RIF1: variants seen among roughly 807,000 people sequenced by gnomAD.
The protein encoded by RIF1 is telomere-associated protein RIF1.
RIF1 carries 45 observed loss-of-function variants against 247.1 expected under a neutral mutation model. The observed-to-expected ratio is 0.18, with a 90% confidence interval of 0.14 to 0.23. RIF1 has a LOEUF of 0.23. Among genes scored for constraint, RIF1 ranks in the 10% least tolerant of loss-of-function variants. The pLI is 1.00. For synonymous variants in RIF1, 1,087 were observed against 978.8 expected, an observed-to-expected ratio of 1.11 and a Z score of -2.06; for missense variants, 2,967 against 2,862.5, an observed-to-expected ratio of 1.04 and a Z score of -0.83.
chr2:151,449,971 A>T (rs1271338692), intron 20 of RIF1, among the ~76,000 whole-genome samples: 1 of 151,178 alleles, frequency 6.6e-6, no homozygotes, highest in East Asian at 2.0e-4. Context: ...CCTCCCTAGT[A>T]GCTGGGATTA....
At chr2:151,531,721 T>A in the RIF1 span, 1 of 1,212,680 alleles carries the variant, frequency 8.2e-7, no homozygotes, top group Non-Finnish European at 1.2e-6. Context: ...TTTGTGACAA[T>A]TTAAAATGCC....
At chr2:151,436,100 T>C (rs972489944) in intron 11 of RIF1, among the ~76,000 whole-genome samples, 2 of 151,986 alleles carry the variant, frequency 1.3e-5, no homozygotes, top group Non-Finnish European at 2.9e-5. Flanking sequence ...CGTGGGCCCC[T>C]GTAATAACCA....
the RIF1 span, chr2:151,533,518 A>T: frequency 2.6e-6 from 4 of 1,551,332 alleles, no homozygotes; most frequent in Non-Finnish European, 3.5e-6. Context: ...ATGTTGCAGA[A>T]ACATCTTGGC....
At position 151,491,697 on chromosome 2, in the gene RIF1, A is replaced by C. The variant is rs760200697; in HGVS notation, c.*416-3532A>C. On this transcript the variant is annotated intron_variant and NMD_transcript_variant, in intron 9 of 13. Coordinates refer to the RIF1 transcript ENST00000454583. ...AGCTAACACACCATTAATCATGTGT[A>C]AGCTTCGGGACTGGATGTTGTCTTC... 4.4e-6 allele frequency: 7 copies of C among 1,593,618 alleles called. No individual in the cohort carries two copies. Among genetic ancestry groups the C allele is most frequent in the Non-Finnish European group, 6.0e-6 (7 of 1,168,982 alleles).
At chr2:151,492,070 TC>T (rs948777159) in intron 9 of RIF1, 32 of 1,608,546 alleles carry the variant, frequency 2.0e-5, no homozygotes, top group Non-Finnish European at 1.7e-6. Flanking sequence ...TTAAAGTTAA[TC>T]CCCTCCCCCA....
At chr2:151,486,474 A>G (rs1459806303), downstream of RIF1, 2 of 153,964 alleles carry the variant, frequency 1.3e-5, no homozygotes, top group African/African-American at 4.8e-5. Context: ...GCATTACCCT[A>G]TGGCCCAGCA....
chr2:151,462,199 T>A, intron 27 of RIF1, 43 bp from the exon 28 acceptor site: 1 of 1,303,700 alleles, frequency 7.7e-7, no homozygotes, highest in South Asian at 1.4e-5. Flanking sequence ...ATTGTAAGAA[T>A]ATCATCCGGT....
At position 151,497,677 on chromosome 2, in the gene RIF1, A is replaced by G. The variant is rs1324238023; in HGVS notation, c.*514-1668A>G. On this transcript the variant is annotated intron_variant and NMD_transcript_variant, in intron 10 of 13. Transcript: ENST00000454583. The stretch of plus-strand genomic sequence containing the variant: ...TGACTCTTTCCATCTCGGGAGTGAC[A>G]GGTAAAGGGGTTCCCTTGCCCATGT... The G allele has an allele frequency of 6.3e-7, 1 of 1,585,752 alleles. No homozygotes were observed. Among genetic ancestry groups the G allele is most frequent in the African/African-American group, 1.3e-5 (1 of 74,666 alleles).
chr2:151,486,066 CAAAGTA>C (rs2152631014), downstream of RIF1: 1 of 915,456 alleles, frequency 1.1e-6, no homozygotes, highest in Non-Finnish European at 1.6e-6. Flanking sequence ...CAAGCATCAA[CAAAGTA>C]AAAGGAACCC....
chr2:151,513,464 G>T, the RIF1 span: 1 of 733,792 alleles, frequency 1.4e-6, no homozygotes, highest in Non-Finnish European at 2.2e-6. Context: ...AGATGTTCAA[G>T]AATGCCATTG....
At chr2:151,514,485 A>G in the RIF1 span, 4 of 1,318,102 alleles carry the variant, frequency 3.0e-6, no homozygotes, top group Admixed American at 1.7e-5. Flanking sequence ...TGATTCTCTC[A>G]GGCAAAGAAG....
the RIF1 span, chr2:151,531,661 C>T: frequency 1.4e-6 from 1 of 714,372 alleles, no homozygotes; most frequent in Non-Finnish European, 2.5e-6. Flanking sequence ...CATAACAGGA[C>T]ATCTCGCACC....
intron 6 of RIF1, among the ~76,000 whole-genome samples, chr2:151,418,633 G>A (rs1323639377): frequency 6.6e-6 from 1 of 152,116 alleles, no homozygotes; most frequent in African/African-American, 2.4e-5. Context: ...CCAGAACTTT[G>A]GGAGGCCCAG....
intron 24 of RIF1, among the ~76,000 whole-genome samples, chr2:151,458,590 A>T (rs1695616503): frequency 1.3e-5 from 2 of 152,070 alleles, no homozygotes; most frequent in Admixed American, 1.3e-4. Context: ...TCTTATTGGA[A>T]TTTTCCATGA....
chr2:151,493,806 CTT>C lies in RIF1; in HGVS notation c.*416-1421_*416-1420del, dbSNP rs1357811155. The C allele has an allele frequency of 2.5e-6, 4 of 1,585,918 alleles. No homozygotes were observed. The African/African-American group carries it at 5.4e-5, about 21-fold the overall frequency. ...AAAGTTTTCTTGATTGCGTTTCACT[CTT>C]TCCATCTCAGGAGTAAAGGGTGTGG... On this transcript the variant is annotated intron_variant and NMD_transcript_variant, in intron 9 of 13. Coordinates refer to the RIF1 transcript ENST00000454583.
chr2:151,447,686 C>T (rs1693562774), intron 20 of RIF1, among the ~76,000 whole-genome samples: 1 of 152,182 alleles, frequency 6.6e-6, no homozygotes, highest in Non-Finnish European at 1.5e-5. Flanking sequence ...GCTGGGACTA[C>T]AGTTGCACAC....
chr2:151,439,595 G>T (rs1482998975), intron 14 of RIF1, among the ~76,000 whole-genome samples: 1 of 151,354 alleles, frequency 6.6e-6, no homozygotes. Flanking sequence ...CTTGAACCTG[G>T]GAGGCGGAGG....
chr2:151,447,700 C>T (rs955552075), intron 20 of RIF1, among the ~76,000 whole-genome samples: 9 of 152,190 alleles, frequency 5.9e-5, no homozygotes, highest in Non-Finnish European at 1.3e-4. Context: ...TGCACACCAT[C>T]ATGCCCAGCT....
intron 9 of RIF1, among the ~76,000 whole-genome samples, chr2:151,488,199 A>G (rs1297618078): frequency 2.0e-5 from 3 of 152,030 alleles, no homozygotes. Context: ...CAATATTAAT[A>G]TTTTTGTTAT....
Sources: gnomAD v4.1 joint callset for allele counts (sites outside exome capture counted in the v4.1 genomes callset) on GRCh38, gnomAD v4.1.1 for gene constraint, MANE v1.5 for transcripts, NCBI Gene and HGNC (gene_info 2026-07-23, HGNC 2026-07-21) for gene names.